RIMS4: variants seen among roughly 807,000 people sequenced by gnomAD.
RIMS4 encodes regulating synaptic membrane exocytosis protein 4.
In RIMS4, 9 loss-of-function variants were observed where a neutral mutation model predicts 29.0. That is an observed-to-expected ratio of 0.31 (90% CI 0.19 to 0.54). The LOEUF is 0.54. RIMS4 is among the 20% of genes least tolerant of loss of function. The pLI is 0.94. For missense variants in RIMS4, 193 were observed against 365.7 expected (o/e 0.53, Z 3.85); for synonymous variants, 130 against 152.9 (o/e 0.85, Z 1.10).
rs1259991177 is a variant in RIMS4, at chr20:44,755,880, G to A, written c.*254C>T. ...CCTCAATCTTTCCTTTCTCTGGACT[G>A]CAGCCACATCCACCAGGTCAAGAAC... On this transcript the variant is annotated 3_prime_UTR_variant, in exon 6 of 6. Transcript: ENST00000372851. 1 of 483,730 alleles carries A rather than the reference G, an allele frequency of 2.1e-6. No individual in the cohort carries two copies. The highest frequency in any genetic ancestry group is 3.6e-5 in the South Asian group (1 of 27,630). 30.0% of individuals were successfully genotyped at this position (483,730 alleles called of 1,614,324 possible). A position where few individuals can be genotyped will look rare whatever the true frequency, so the allele number is the denominator to read the frequency against.
intron 1 of RIMS4, among the ~76,000 whole-genome samples, chr20:44,808,918 C>T (rs1036420402): frequency 6.6e-6 from 1 of 152,192 alleles, no homozygotes; most frequent in African/African-American, 2.4e-5. Flanking sequence ...CATATATGCA[C>T]TTCGGGAGAG....
At chr20:44,766,467 G>A (rs572830389) in intron 2 of RIMS4, among the ~76,000 whole-genome samples, 11 of 152,296 alleles carry the variant, frequency 7.2e-5, no homozygotes, top group Admixed American at 6.5e-4. Context: ...GATGGGGACT[G>A]GGAGAGGCTG....
intron 2 of RIMS4, among the ~76,000 whole-genome samples, chr20:44,761,625 C>T (rs929169719): frequency 2.0e-5 from 3 of 152,166 alleles, no homozygotes; most frequent in South Asian, 2.1e-4. Flanking sequence ...GGCTTGATGA[C>T]GCATCCGTTA....
At chr20:44,792,029 C>T (rs1359578698) in intron 1 of RIMS4, among the ~76,000 whole-genome samples, 1 of 152,114 alleles carries the variant, frequency 6.6e-6, no homozygotes, top group Non-Finnish European at 1.5e-5. Flanking sequence ...GCCTAGTAAT[C>T]AGCCTCTCAC....
chr20:44,791,764 G>C (rs1357855542), intron 1 of RIMS4, among the ~76,000 whole-genome samples: 1 of 152,062 alleles, frequency 6.6e-6, no homozygotes, highest in Non-Finnish European at 1.5e-5. Flanking sequence ...CTTTGAAAAG[G>C]ATGGTGGTAA....
At chr20:44,800,864 G>A (rs2066274809) in intron 1 of RIMS4, among the ~76,000 whole-genome samples, 1 of 152,228 alleles carries the variant, frequency 6.6e-6, no homozygotes, top group Admixed American at 6.5e-5. Flanking sequence ...TGTGCACACA[G>A]TAAACACCAC....
intron 1 of RIMS4, among the ~76,000 whole-genome samples, chr20:44,788,887 G>A (rs2066220391): frequency 6.6e-6 from 1 of 152,008 alleles, no homozygotes; most frequent in South Asian, 2.1e-4. Context: ...ACTGGAGCAG[G>A]GCTGGGCATG....
chr20:44,799,109 C>A (rs2066266913), intron 1 of RIMS4, among the ~76,000 whole-genome samples: 1 of 152,158 alleles, frequency 6.6e-6, no homozygotes, highest in Non-Finnish European at 1.5e-5. Flanking sequence ...TCGAGACCAG[C>A]CTGCCCAATA....
At chr20:44,799,208 CAGG>C (rs2066267414) in intron 1 of RIMS4, among the ~76,000 whole-genome samples, 1 of 152,058 alleles carries the variant, frequency 6.6e-6, no homozygotes, top group South Asian at 2.1e-4. Flanking sequence ...GAGGCTGAGG[CAGG>C]AGAATTACAT....
At chr20:44,762,008 G>T (rs1322025962) in intron 2 of RIMS4, among the ~76,000 whole-genome samples, 4 of 152,176 alleles carry the variant, frequency 2.6e-5, no homozygotes, top group Non-Finnish European at 5.9e-5. Flanking sequence ...CAGTTTTGTG[G>T]AAGACAATTT....
chr20:44,801,793 CTG>C (rs1430361529), intron 1 of RIMS4, among the ~76,000 whole-genome samples: 1 of 152,132 alleles, frequency 6.6e-6, no homozygotes, highest in Non-Finnish European at 1.5e-5. Flanking sequence ...ATCATAGACT[CTG>C]TGACAGAAAC....
chr20:44,764,115 TATCC>T (rs763540471), intron 2 of RIMS4, among the ~76,000 whole-genome samples: 1,214 of 40,848 alleles, frequency 0.03, 28 homozygotes, highest in Non-Finnish European at 0.044. Context: ...TCCATCCATT[TATCC>T]ATCCATCCAT....
intron 1 of RIMS4, among the ~76,000 whole-genome samples, chr20:44,806,116 T>C (rs1283178052): frequency 1.3e-5 from 2 of 152,166 alleles, no homozygotes; most frequent in African/African-American, 4.8e-5. Context: ...GGTGTTGCCA[T>C]GGCAACCTCC....
At chr20:44,770,413 T>G (rs923043690) in intron 2 of RIMS4, among the ~76,000 whole-genome samples, 2 of 152,182 alleles carry the variant, frequency 1.3e-5, no homozygotes. Context: ...GAGAAAAGCA[T>G]GTTCGCAGGA....
At chr20:44,790,912 A>G (rs1476730174) in intron 1 of RIMS4, among the ~76,000 whole-genome samples, 3 of 152,240 alleles carry the variant, frequency 2.0e-5, no homozygotes, top group Non-Finnish European at 4.4e-5. Context: ...TTTATTTTCT[A>G]TAAGAACGGG....
intron 1 of RIMS4, among the ~76,000 whole-genome samples, chr20:44,804,288 ATAAT>A (rs2066288883): frequency 6.6e-6 from 1 of 152,248 alleles, no homozygotes; most frequent in African/African-American, 2.4e-5. Context: ...TTGAACAAAA[ATAAT>A]TAACCCTTTT....
chr20:44,786,490 T>C (rs980857784), intron 1 of RIMS4, among the ~76,000 whole-genome samples: 1 of 152,212 alleles, frequency 6.6e-6, no homozygotes, highest in Non-Finnish European at 1.5e-5. Flanking sequence ...TTTACATATA[T>C]GTGCCAGCCT....
chr20:44,801,526 T>C (rs1331447844), intron 1 of RIMS4, among the ~76,000 whole-genome samples: 1 of 152,202 alleles, frequency 6.6e-6, no homozygotes, highest in Non-Finnish European at 1.5e-5. Context: ...ACTTCCTGGT[T>C]TTAACACATA....
At chr20:44,784,971 G>A (rs2145465686) in intron 1 of RIMS4, among the ~76,000 whole-genome samples, 2 of 152,320 alleles carry the variant, frequency 1.3e-5, no homozygotes, top group Middle Eastern at 6.8e-3. Flanking sequence ...GGTCTCAGGT[G>A]GGGCCTGAGA....
Sources: gnomAD v4.1 joint callset for allele counts (sites outside exome capture counted in the v4.1 genomes callset) on GRCh38, gnomAD v4.1.1 for gene constraint, MANE v1.5 for transcripts, NCBI Gene and HGNC (gene_info 2026-07-23, HGNC 2026-07-21) for gene names.